Variants in DNAH9 observed in about 807,000 individuals in gnomAD.
DNAH9 encodes the protein dynein axonemal heavy chain 9.
Under a neutral mutation model 471.6 loss-of-function variants are expected in DNAH9, and 345 were observed. The ratio of observed to expected loss-of-function variants is 0.73; its 90% CI spans 0.67 to 0.80. DNAH9 has a LOEUF of 0.80. Among genes scored for constraint, DNAH9 ranks in the 30% least tolerant of loss-of-function variants. The pLI is 0.00. For synonymous variants in DNAH9, 2,093 were observed against 2,123.6 expected (o/e 0.99, Z 0.40); for missense variants, 5,407 against 5,609.2 (o/e 0.96, Z 1.15).
chr17:11,955,095 T>A (rs1975571734), intron 67 of DNAH9, among the ~76,000 whole-genome samples: 1 of 152,082 alleles, frequency 6.6e-6, no homozygotes, highest in South Asian at 2.1e-4. Context: ...GAAGTTAGGG[T>A]GTGATGAGTT....
intron 9 of DNAH9, among the ~76,000 whole-genome samples, chr17:11,638,911 CTT>C (rs2073213490): frequency 6.6e-6 from 1 of 152,206 alleles, no homozygotes; most frequent in Non-Finnish European, 1.5e-5. Flanking sequence ...AAGGGCCACT[CTT>C]TGCAACTAGA....
At position 11,923,822 on chromosome 17, in the gene DNAH9, C is replaced by T. The variant is rs1253592222; in HGVS notation, c.11758C>T (p.Leu3920Phe). 1 of 1,613,808 alleles carries T rather than the reference C, an allele frequency of 6.2e-7. No homozygotes were observed. Among genetic ancestry groups the T allele is most frequent in the South Asian group, 1.1e-5 (1 of 91,034 alleles). Residue 3920 changes from leucine to phenylalanine, a missense_variant, in exon 62 of 69, where the codon CTT (leucine) becomes TTT (phenylalanine). Leu to Phe is a conservative substitution (Grantham distance 22). Around this residue, in one of 3 missense-constraint regions of DNAH9, gnomAD observed 4,636 missense variants for 4,900.3 expected, o/e 0.95. Transcript: ENST00000262442. The part of the protein sequence containing the change: ...LKDVESQGRK[L>F]GYTFNNQNFH... ...CTCCATCCTCCTTTTAGGAAGAAAA[C>T]TTGGATACACCTTCAACAATCAGAA...
intron 6 of DNAH9, among the ~76,000 whole-genome samples, chr17:11,627,604 A>C (rs2072992225): frequency 6.6e-6 from 1 of 152,172 alleles, no homozygotes; most frequent in Non-Finnish European, 1.5e-5. Flanking sequence ...TTTTCTTCCC[A>C]GTATATCAAG....
intron 24 of DNAH9, among the ~76,000 whole-genome samples, chr17:11,702,195 C>T (rs978373561): frequency 6.6e-5 from 10 of 152,148 alleles, no homozygotes; most frequent in Admixed American, 3.9e-4. Flanking sequence ...CCAGAGTAAG[C>T]GGAGGAGGAG....
At chr17:11,717,670 C>T (rs1444636090) in intron 26 of DNAH9, among the ~76,000 whole-genome samples, 1 of 152,138 alleles carries the variant, frequency 6.6e-6, no homozygotes, top group Non-Finnish European at 1.5e-5. Context: ...TTAAAGTTCA[C>T]CCATTGCAGG....
chr17:11,884,132 G>A (rs1006911066), intron 56 of DNAH9, among the ~76,000 whole-genome samples: 1 of 152,044 alleles, frequency 6.6e-6, no homozygotes, highest in African/African-American at 2.4e-5. Context: ...AACTGGTTTG[G>A]GCATGATTGC....
At chr17:11,728,849 AG>A (rs1325371587) in intron 28 of DNAH9, among the ~76,000 whole-genome samples, 1 of 152,218 alleles carries the variant, frequency 6.6e-6, no homozygotes, top group Non-Finnish European at 1.5e-5. Context: ...TATGTGGAAA[AG>A]CTGAACATCA....
chr17:11,841,674 T>C (rs1399127565), intron 49 of DNAH9, among the ~76,000 whole-genome samples: 1 of 152,152 alleles, frequency 6.6e-6, no homozygotes, highest in East Asian at 1.9e-4. Flanking sequence ...TCAACAGAAC[T>C]GTTTTAGGAT....
intron 4 of DNAH9, chr17:11,612,144 C>G (rs1466284486): frequency 1.9e-6 from 1 of 526,978 alleles, no homozygotes; most frequent in Non-Finnish European, 3.4e-6. Flanking sequence ...CCCTTTGTGT[C>G]TTTCAAACAC....
In DNAH9 at chr17:11,807,819, G is replaced by A. The variant is rs1969748134; in HGVS notation, c.8508G>A (p.Arg2836=). ...GGAGCGGCAAGCAGAGCCTGACAAG[G>A]CTGGCAGCTTTCATCAGCTCCATGG... ...VGGSGKQSLT[R]LAAFISSMDV... Residue 2836 remains arginine (R), a synonymous_variant, in exon 44 of 69, where the codon AGG becomes AGA. Transcript: ENST00000262442. 5 of 1,614,066 alleles carry A rather than the reference G, an allele frequency of 3.1e-6. No homozygotes were observed. The highest frequency in any genetic ancestry group is 4.2e-6 in the Non-Finnish European group (5 of 1,179,952).
Position 11,783,645 on chromosome 17 carries a change from G to C in DNAH9, c.7719-1G>C, listed in dbSNP as rs141622989. 11 of 1,613,232 alleles carry C rather than the reference G, an allele frequency of 6.8e-6. No individual in the cohort carries two copies. The highest frequency in any genetic ancestry group is 6.7e-5 in the African/African-American group (5 of 74,866). On this transcript the variant is annotated splice_acceptor_variant, in intron 39 of 68. Transcript: ENST00000262442. LOFTEE classifies it high-confidence loss of function. ...TCACCTAGAGCTTCTGACTGTTCCA[G>C]GTATGATCGGAGCAAGCTGTCCCTA...
intron 30 of DNAH9, 91 bp downstream of exon 30, chr17:11,742,404 C>T (rs1415396404): frequency 8.6e-6 from 11 of 1,276,774 alleles, no homozygotes; most frequent in Non-Finnish European, 7.7e-6. Flanking sequence ...GGAAAACATA[C>T]TCAAGCTTTC....
chr17:11,900,690 A>G (rs1973381552), intron 59 of DNAH9, among the ~76,000 whole-genome samples: 1 of 152,172 alleles, frequency 6.6e-6, no homozygotes, highest in African/African-American at 2.4e-5. Context: ...GGCAGGTAGT[A>G]GGAATTGAAT....
intron 67 of DNAH9, among the ~76,000 whole-genome samples, chr17:11,947,969 A>G (rs1398967741): frequency 6.6e-6 from 1 of 151,526 alleles, no homozygotes; most frequent in Non-Finnish European, 1.5e-5. Context: ...GTTTCACCTT[A>G]TTGACCAGGC....
At chr17:11,910,201 G>A (rs1973747048) in intron 61 of DNAH9, among the ~76,000 whole-genome samples, 1 of 151,706 alleles carries the variant, frequency 6.6e-6, no homozygotes, top group Non-Finnish European at 1.5e-5. Context: ...GTTGCAGTGA[G>A]CCAAGATCAC....
At chr17:11,785,831 G>A (rs1270449547) in intron 41 of DNAH9, among the ~76,000 whole-genome samples, 1 of 152,190 alleles carries the variant, frequency 6.6e-6, no homozygotes, top group African/African-American at 2.4e-5. Context: ...ACACCTTTCT[G>A]TCCTCATCTG....
At chr17:11,762,789 T>TTG (rs1555584728) in intron 35 of DNAH9, among the ~76,000 whole-genome samples, 1 of 135,362 alleles carries the variant, frequency 7.4e-6, no homozygotes, top group Non-Finnish European at 1.6e-5. Flanking sequence ...TTTTTTTTTT[T>TTG]TTTTTTTTGA....
At chr17:11,956,575 A>G (rs1182349139) in intron 67 of DNAH9, among the ~76,000 whole-genome samples, 1 of 152,168 alleles carries the variant, frequency 6.6e-6, no homozygotes, top group Non-Finnish European at 1.5e-5. Context: ...ACTATATTTT[A>G]TGTCATAAAG....
In DNAH9 at chr17:11,924,915, C is replaced by T. The variant is rs181029115; in HGVS notation, c.11877+974C>T. ...CTGGGATTACAGGCATGAGCCACTG[C>T]GCCCAGCCTAACTACTACTAACTCT... is the stretch of plus-strand genomic sequence containing the variant. On this transcript the variant is annotated intron_variant, in intron 62 of 68. Transcript: ENST00000262442. Among the ~76,000 whole-genome samples, 666 of 152,240 alleles carry T rather than the reference C, an allele frequency of 4.4e-3. 3 individuals are homozygous for T. Among genetic ancestry groups the T allele is most frequent in the African/African-American group, 0.015 (628 of 41,538 alleles).
Sources: gnomAD v4.1 joint callset for allele counts (sites outside exome capture counted in the v4.1 genomes callset) on GRCh38, gnomAD v4.1.1 for gene constraint, gnomAD v4.1.1 regional missense constraint, MANE v1.5 for transcripts, NCBI Gene and HGNC (gene_info 2026-07-23, HGNC 2026-07-21) for gene names.